The following GPBP1 variants were observed in gnomAD, a reference collection of about 807,000 sequenced individuals.
GPBP1 encodes the protein GC-rich promoter binding protein 1.
Under a neutral mutation model 56.5 loss-of-function variants are expected in GPBP1, and 13 were observed. The ratio of observed to expected loss-of-function variants is 0.23; its 90% CI spans 0.15 to 0.37. GPBP1 has a LOEUF of 0.37. Among genes scored for constraint, GPBP1 ranks in the 10% least tolerant of loss-of-function variants. The pLI is 1.00. For missense variants in GPBP1, 477 were observed against 572.3 expected (o/e 0.83, Z 1.70); for synonymous variants, 204 against 188.9 (o/e 1.08, Z -0.66).
At chr5:57,243,583 G>T (rs1350786001) in intron 6 of GPBP1, among the ~76,000 whole-genome samples, 2 of 151,598 alleles carry the variant, frequency 1.3e-5, no homozygotes, top group Non-Finnish European at 2.9e-5. Context: ...TTACTCCTAG[G>T]CATCTAGGAA....
At chr5:57,246,131 T>C (rs1741076115) in intron 6 of GPBP1, 169 bp from the exon 7 acceptor site, 1 of 503,782 alleles carries the variant, frequency 2.0e-6, no homozygotes, top group Non-Finnish European at 3.5e-6. Flanking sequence ...TAGCTTTACT[T>C]GTTCAATTGG....
intron 2 of GPBP1, among the ~76,000 whole-genome samples, chr5:57,207,924 C>T (rs891193233): frequency 1.3e-5 from 2 of 152,010 alleles, no homozygotes; most frequent in Admixed American, 6.6e-5. Flanking sequence ...GTTCTTCCGC[C>T]GATATGTCCC....
intron 2 of GPBP1, among the ~76,000 whole-genome samples, chr5:57,199,647 A>G (rs1170071568): frequency 6.6e-6 from 1 of 152,034 alleles, no homozygotes. Flanking sequence ...TGCACCCATT[A>G]ACTCGTCATT....
chr5:57,252,425 C>CT (rs1277572957), intron 10 of GPBP1, among the ~76,000 whole-genome samples: 1 of 152,050 alleles, frequency 6.6e-6, no homozygotes, highest in East Asian at 1.9e-4. Flanking sequence ...GTGTCTCACT[C>CT]TGTCACCCAG....
chr5:57,197,105 C>T (rs186667171), intron 2 of GPBP1, among the ~76,000 whole-genome samples: 1 of 151,618 alleles, frequency 6.6e-6, no homozygotes, highest in East Asian at 2.0e-4. Flanking sequence ...GTAGAGACAG[C>T]GTTTCACTAT....
intron 5 of GPBP1, 67 bp downstream of exon 5, chr5:57,231,388 C>A: frequency 8.0e-7 from 1 of 1,249,644 alleles, no homozygotes; most frequent in South Asian, 1.4e-5. Flanking sequence ...ATTCTCCTGC[C>A]TCAGCCTCTC....
intron 2 of GPBP1, among the ~76,000 whole-genome samples, chr5:57,201,835 G>A (rs887591248): frequency 2.6e-5 from 4 of 152,182 alleles, no homozygotes; most frequent in African/African-American, 9.7e-5. Context: ...ATTGCTGTGG[G>A]AAAGTTTGAG....
chr5:57,239,820 ATTG>A (rs1740740176), intron 6 of GPBP1, among the ~76,000 whole-genome samples: 2 of 152,128 alleles, frequency 1.3e-5, no homozygotes, highest in Admixed American at 1.3e-4. Flanking sequence ...AACAGCACCA[ATTG>A]TTGTAAAAAT....
intron 2 of GPBP1, 21 bp from the exon 3 acceptor site, chr5:57,214,053 C>A (rs1471399482): frequency 2.5e-6 from 3 of 1,205,512 alleles, no homozygotes; most frequent in African/African-American, 1.5e-5. Context: ...AGGTCTAATT[C>A]CTTCCATTTT....
At chr5:57,253,846 A>C (rs1741503724) in intron 10 of GPBP1, among the ~76,000 whole-genome samples, 1 of 151,904 alleles carries the variant, frequency 6.6e-6, no homozygotes, top group South Asian at 2.1e-4. Context: ...GATCTCAAAA[A>C]CTCCTGGACT....
chr5:57,214,417 C>G (rs944395046), intron 3 of GPBP1, among the ~76,000 whole-genome samples: 6 of 151,998 alleles, frequency 3.9e-5, no homozygotes, highest in African/African-American at 1.5e-4. Flanking sequence ...GAAACCCTGT[C>G]TCTACTACAG....
chr5:57,215,131 A>G (rs935809301), intron 3 of GPBP1, among the ~76,000 whole-genome samples: 4 of 152,312 alleles, frequency 2.6e-5, no homozygotes, highest in African/African-American at 9.6e-5. Context: ...TTACTCTTAC[A>G]TGGATTGACT....
At chr5:57,233,262 G>A (rs1756533986) in intron 5 of GPBP1, among the ~76,000 whole-genome samples, 1 of 152,140 alleles carries the variant, frequency 6.6e-6, no homozygotes, top group Admixed American at 6.5e-5. Flanking sequence ...TGGGTTTAGG[G>A]CGAGGAGTGG....
At chr5:57,219,850 C>G (rs1214602913) in intron 3 of GPBP1, among the ~76,000 whole-genome samples, 2 of 151,984 alleles carry the variant, frequency 1.3e-5, no homozygotes, top group Non-Finnish European at 2.9e-5. Flanking sequence ...GTTGGGAGTT[C>G]GAGACCAGCT....
At chr5:57,192,636 C>T (rs928018520) in intron 2 of GPBP1, among the ~76,000 whole-genome samples, 1 of 151,466 alleles carries the variant, frequency 6.6e-6, no homozygotes, top group African/African-American at 2.4e-5. Flanking sequence ...GGCTGTAATC[C>T]CAGCTACTCA....
rs1234856931 is a variant in GPBP1 at position 57,213,607 on chromosome 5, T to C, written c.-57-467T>C. 2.0e-5 allele frequency among the ~76,000 whole-genome samples: 3 copies of C among 152,204 alleles called. No homozygotes were observed. The East Asian group carries it at 5.8e-4, about 29-fold the overall frequency. ...CTTCCCCCAGATGTCCTTTAACTTG[T>C]TCTCCATCTTGAATGTACTGCTAAT... is the stretch of plus-strand genomic sequence containing the variant. On this transcript the variant is annotated intron_variant, in intron 2 of 11. Coordinates refer to ENST00000506184, the MANE Select transcript of GPBP1 (RefSeq NM_022913.4).
At chr5:57,222,025 G>A (rs1324051347) in intron 3 of GPBP1, among the ~76,000 whole-genome samples, 1 of 151,688 alleles carries the variant, frequency 6.6e-6, no homozygotes, top group African/African-American at 2.4e-5. Flanking sequence ...TTCAACTTTA[G>A]TTTTGTTTTT....
At chr5:57,210,015 A>G (rs1212641793) in intron 2 of GPBP1, among the ~76,000 whole-genome samples, 1 of 152,188 alleles carries the variant, frequency 6.6e-6, no homozygotes, top group East Asian at 1.9e-4. Context: ...TTCTGAAATC[A>G]TTATAAAGAC....
chr5:57,214,020 G>C, intron 2 of GPBP1, 54 bp from the exon 3 acceptor site: 1 of 760,666 alleles, frequency 1.3e-6, no homozygotes, highest in Non-Finnish European at 2.3e-6. Context: ...ATATAAAGGC[G>C]CTAATTTTTG....
Sources: allele counts gnomAD v4.1 joint callset (sites outside exome capture counted in the v4.1 genomes callset), GRCh38; gene constraint gnomAD v4.1.1; transcripts MANE v1.5; gene names NCBI Gene and HGNC (gene_info 2026-07-23, HGNC 2026-07-21).